CMPK1: variants seen among roughly 807,000 people sequenced by gnomAD.
CMPK1 encodes UMP-CMP kinase.
A neutral mutation model predicts 25.7 loss-of-function variants in CMPK1; 10 were observed. That is an observed-to-expected ratio of 0.39 (90% confidence interval 0.24 to 0.66). The LOEUF is 0.66. CMPK1 is among the 30% of genes least tolerant of loss of function. The pLI, the probability that CMPK1 is intolerant of heterozygous loss-of-function variation, is 0.48. For missense variants in CMPK1, 199 were observed against 280.5 expected, an observed-to-expected ratio of 0.71 and a Z score of 2.08; for synonymous variants, 106 against 101.5, an observed-to-expected ratio of 1.04 and a Z score of -0.27.
intron 1 of CMPK1, among the ~76,000 whole-genome samples, chr1:47,337,094 C>T (rs1646404594): frequency 6.6e-6 from 1 of 152,102 alleles, no homozygotes; most frequent in South Asian, 2.1e-4. Context: ...ACCATCCTGG[C>T]TAACAAGGTG....
At chr1:47,365,921 T>C (rs1022615244) in intron 1 of CMPK1, among the ~76,000 whole-genome samples, 5 of 151,952 alleles carry the variant, frequency 3.3e-5, no homozygotes, top group Admixed American at 6.6e-5. Flanking sequence ...AGGTCAGGCA[T>C]GGTGGCTCAT....
intron 1 of CMPK1, among the ~76,000 whole-genome samples, chr1:47,352,179 G>T (rs1436653678): frequency 6.6e-6 from 1 of 152,008 alleles, no homozygotes; most frequent in Non-Finnish European, 1.5e-5. Flanking sequence ...CTTTTAATTG[G>T]GTTATATATC....
chr1:47,374,959 T>A lies in CMPK1; in HGVS notation c.522T>A (p.Asp174Glu), dbSNP rs1471421376. The A allele has an allele frequency of 6.2e-7, 1 of 1,613,210 alleles. No individual in the cohort carries two copies. The highest frequency in any genetic ancestry group is 8.5e-7 in the Non-Finnish European group (1 of 1,179,558). Residue 174 changes from aspartate (D) to glutamate (E), a missense_variant, in exon 4 of 6, where the codon GAT becomes GAA. Coordinates refer to ENST00000371873, the MANE Select transcript of CMPK1 (RefSeq NM_016308.3). Reference sequence around the variant, plus strand: ...GGGGAAAGAGTAGTGGTAGGAGTGATGACAACAGAGAGAGCTTGGAAAAGA... The same window carrying A: ...GGGGAAAGAGTAGTGGTAGGAGTGAAGACAACAGAGAGAGCTTGGAAAAGA... Reference protein sequence around the residue: ...LERGKSSGRSDDNRESLEKRI... With the variant: ...LERGKSSGRSEDNRESLEKRI...
intron 1 of CMPK1, among the ~76,000 whole-genome samples, chr1:47,345,733 A>T (rs987970746): frequency 5.3e-5 from 8 of 151,150 alleles, no homozygotes; most frequent in Non-Finnish European, 1.2e-4. Flanking sequence ...CTGGGATTAT[A>T]GGCATGAGCC....
intron 5 of CMPK1, among the ~76,000 whole-genome samples, chr1:47,375,971 G>A (rs780261285): frequency 6.6e-6 from 1 of 152,096 alleles, no homozygotes; most frequent in Non-Finnish European, 1.5e-5. Context: ...TTGACACTTT[G>A]TATAGAGGTG....
intron 1 of CMPK1, 115 bp downstream of exon 1, chr1:47,334,231 G>C (rs1193221889): frequency 3.9e-6 from 4 of 1,020,002 alleles, no homozygotes; most frequent in Non-Finnish European, 5.0e-6. Context: ...TACGAGTCCC[G>C]GCGGCCACCG....
chr1:47,333,978 C>T lies in CMPK1; in HGVS notation c.33C>T (p.His11=). MLSRCRSGLL[H]VLGLSFLLQT... ...GCCGCTGCCGCAGCGGGCTGCTCCA[C>T]GTCCTGGGCCTTAGCTTCCTGCTGC... Residue 11 remains histidine, a synonymous_variant, in exon 1 of 6, where the codon CAC becomes CAT. Coordinates refer to ENST00000371873, the MANE Select transcript of CMPK1 (RefSeq NM_016308.3). The T allele has an allele frequency of 6.6e-7, 1 of 1,517,782 alleles. No individual in the cohort carries two copies. Among genetic ancestry groups the T allele is most frequent in the Non-Finnish European group, 8.9e-7 (1 of 1,129,090 alleles). 94.0% of individuals were successfully genotyped at this position (1,517,782 alleles called of 1,614,324 possible). A position where few individuals can be genotyped will look rare whatever the true frequency, so the allele number is the denominator to read the frequency against.
At chr1:47,355,520 G>T (rs1347235819) in intron 1 of CMPK1, among the ~76,000 whole-genome samples, 2 of 151,696 alleles carry the variant, frequency 1.3e-5, no homozygotes, top group East Asian at 1.9e-4. Flanking sequence ...TTAGCATATC[G>T]GCCAGGCTGG....
intron 1 of CMPK1, among the ~76,000 whole-genome samples, chr1:47,364,368 C>T (rs546920820): frequency 2.0e-5 from 3 of 151,400 alleles, no homozygotes; most frequent in South Asian, 2.1e-4. Context: ...CCCAGGCTGG[C>T]GTGCAGTGGC....
intron 1 of CMPK1, among the ~76,000 whole-genome samples, chr1:47,359,316 C>CT (rs1168472105): frequency 6.8e-6 from 1 of 147,322 alleles, no homozygotes; most frequent in African/African-American, 2.5e-5. Flanking sequence ...GACTCCATCT[C>CT]TAAAAAAAAA....
At chr1:47,334,583 A>G (rs1003091010) in intron 1 of CMPK1, among the ~76,000 whole-genome samples, 2 of 152,218 alleles carry the variant, frequency 1.3e-5, no homozygotes, top group African/African-American at 4.8e-5. Context: ...CTGGTTCCCT[A>G]AACTCCGCAC....
chr1:47,356,759 C>G (rs1181094075), intron 1 of CMPK1, among the ~76,000 whole-genome samples: 1 of 152,078 alleles, frequency 6.6e-6, no homozygotes, highest in Non-Finnish European at 1.5e-5. Flanking sequence ...CTCCCAGGTT[C>G]AAGCAATTCT....
chr1:47,358,832 G>T (rs1317573901), intron 1 of CMPK1: 2 of 983,914 alleles, frequency 2.0e-6, no homozygotes, highest in African/African-American at 3.5e-5. Flanking sequence ...TTTTTCTGGT[G>T]TTGATTCTTA....
At chr1:47,343,221 AAGT>A (rs146930273) in intron 1 of CMPK1, among the ~76,000 whole-genome samples, 6,857 of 150,914 alleles carry the variant, frequency 0.045, 483 homozygotes, top group African/African-American at 0.16. Flanking sequence ...TCCAGACCTC[AAGT>A]GATCCACCTG....
At chr1:47,340,674 G>A (rs764973697) in intron 1 of CMPK1, among the ~76,000 whole-genome samples, 7 of 151,902 alleles carry the variant, frequency 4.6e-5, no homozygotes, top group Non-Finnish European at 7.4e-5. Context: ...CAGAGTTTGA[G>A]TTGCCCAGGC....
At chr1:47,360,418 C>T (rs886114455) in intron 1 of CMPK1, among the ~76,000 whole-genome samples, 26 of 152,108 alleles carry the variant, frequency 1.7e-4, no homozygotes, top group African/African-American at 6.3e-4. Context: ...AGAAGCCATC[C>T]GTAAAATGTT....
Position 47,333,796 on chromosome 1 carries a change from C to G in CMPK1, c.-150C>G, listed in dbSNP as rs1646371299. ...CCGCCGTGCGAAGCTCCTCCCCTTC[C>G]GACAGGGCCGCGGACGCCCGGGCAG... On this transcript the variant is annotated 5_prime_UTR_variant, in exon 1 of 6. Transcript: ENST00000371873. 3.9e-6 allele frequency: 1 copy of G among 258,804 alleles called. No homozygotes were observed. The highest frequency in any genetic ancestry group is 6.4e-5 in the Admixed American group (1 of 15,542). The allele number at this position is 258,804 out of a possible 1,614,324, so 16.0% of individuals were successfully genotyped here. A position where few individuals can be genotyped will look rare whatever the true frequency, so the allele number is the denominator to read the frequency against.
chr1:47,369,192 G>T (rs1646659946), intron 2 of CMPK1, among the ~76,000 whole-genome samples: 1 of 151,876 alleles, frequency 6.6e-6, no homozygotes, highest in South Asian at 2.1e-4. Context: ...TTTTTGTGGA[G>T]ACAGGGTCTC....
chr1:47,365,653 G>GAAAAAAA (rs759506110), intron 1 of CMPK1, among the ~76,000 whole-genome samples: 4 of 93,268 alleles, frequency 4.3e-5, no homozygotes, highest in Admixed American at 1.1e-4. Context: ...AAAAAAAAGT[G>GAAAAAAA]AGAGAAATTG....
Sources: gnomAD v4.1 joint callset for allele counts (sites outside exome capture counted in the v4.1 genomes callset) on GRCh38, gnomAD v4.1.1 for gene constraint, MANE v1.5 for transcripts, NCBI Gene and HGNC (gene_info 2026-07-23, HGNC 2026-07-21) for gene names.